EPHB1: variants seen among roughly 807,000 people sequenced by gnomAD.
EPHB1 encodes ephrin type-B receptor 1.
A neutral mutation model predicts 94.4 loss-of-function variants in EPHB1; 30 were observed. That is an observed-to-expected ratio of 0.32 (90% confidence interval 0.24 to 0.43). The LOEUF is 0.43. EPHB1 is among the 20% of genes least tolerant of loss of function. EPHB1 has a pLI of 1.00. For synonymous variants in EPHB1, 522 were observed against 489.1 expected, an observed-to-expected ratio of 1.07 and a Z score of -0.89; for missense variants, 1,055 against 1,308.3, an observed-to-expected ratio of 0.81 and a Z score of 2.99.
intron 2 of EPHB1, among the ~76,000 whole-genome samples, chr3:134,939,700 C>T (rs1440365317): frequency 6.6e-6 from 1 of 152,184 alleles, no homozygotes; most frequent in Non-Finnish European, 1.5e-5. Context: ...GGCTCCAGCC[C>T]AGCCCTGAGC....
chr3:134,844,427 C>T (rs1336726756), intron 1 of EPHB1, among the ~76,000 whole-genome samples: 2 of 152,226 alleles, frequency 1.3e-5, no homozygotes, highest in African/African-American at 4.8e-5. Flanking sequence ...ATGTTGGCTC[C>T]TCTCTGGACT....
chr3:135,203,537 C>A (rs1410970335), intron 12 of EPHB1, among the ~76,000 whole-genome samples: 1 of 151,982 alleles, frequency 6.6e-6, no homozygotes, highest in Admixed American at 6.6e-5. Flanking sequence ...TGAAAGATAC[C>A]ATGTAGATAA....
At chr3:135,049,908 G>A (rs1208615167) in intron 3 of EPHB1, among the ~76,000 whole-genome samples, 1 of 152,172 alleles carries the variant, frequency 6.6e-6, no homozygotes, top group African/African-American at 2.4e-5. Flanking sequence ...ACATGAGATA[G>A]GGCAAAAGCT....
At chr3:135,112,570 T>C (rs970790003) in intron 4 of EPHB1, among the ~76,000 whole-genome samples, 2 of 116,932 alleles carry the variant, frequency 1.7e-5, no homozygotes, top group Non-Finnish European at 3.3e-5. Context: ...CCCCAGTGTG[T>C]GATATTCCCC....
At chr3:135,214,951 G>T (rs750789890) in intron 12 of EPHB1, among the ~76,000 whole-genome samples, 7 of 152,082 alleles carry the variant, frequency 4.6e-5, no homozygotes, top group Admixed American at 6.5e-5. Flanking sequence ...TTATGAACTT[G>T]GGCCTAGTTC....
chr3:134,990,994 G>A (rs748126859), intron 3 of EPHB1, among the ~76,000 whole-genome samples: 2 of 152,002 alleles, frequency 1.3e-5, no homozygotes, highest in Non-Finnish European at 2.9e-5. Context: ...TCTATTTCTT[G>A]GGGTACATTT....
chr3:134,795,928 G>C (rs1321527939), intron 1 of EPHB1, among the ~76,000 whole-genome samples: 1 of 152,158 alleles, frequency 6.6e-6, no homozygotes, highest in Non-Finnish European at 1.5e-5. Flanking sequence ...CGGCTTCCTC[G>C]CCCCGGCACT....
intron 12 of EPHB1, among the ~76,000 whole-genome samples, chr3:135,214,752 G>T (rs1269259659): frequency 2.0e-5 from 3 of 152,128 alleles, no homozygotes; most frequent in African/African-American, 7.2e-5. Flanking sequence ...GAAATCTGTA[G>T]GGCCCTTCCT....
At chr3:135,140,321 C>T (rs1475294234) in intron 5 of EPHB1, among the ~76,000 whole-genome samples, 1 of 152,202 alleles carries the variant, frequency 6.6e-6, no homozygotes, top group Non-Finnish European at 1.5e-5. Context: ...AAGTCAACTC[C>T]ATGAACTGAC....
At chr3:135,158,231 A>G (rs1389395119) in intron 6 of EPHB1, among the ~76,000 whole-genome samples, 2 of 150,966 alleles carry the variant, frequency 1.3e-5, no homozygotes, top group Non-Finnish European at 2.9e-5. Context: ...GATTTGGTCC[A>G]AAGAAGCAAA....
At chr3:135,039,202 G>A (rs967892964) in intron 3 of EPHB1, among the ~76,000 whole-genome samples, 7 of 152,064 alleles carry the variant, frequency 4.6e-5, no homozygotes, top group Admixed American at 1.3e-4. Context: ...AGACATAAAG[G>A]TTCTCCACGT....
At chr3:135,242,016 C>G (rs189741100) in intron 13 of EPHB1, among the ~76,000 whole-genome samples, 1 of 152,282 alleles carries the variant, frequency 6.6e-6, no homozygotes, top group East Asian at 1.9e-4. Flanking sequence ...TAAATAGAGG[C>G]TTTTTGGAAT....
At position 135,175,321 on chromosome 3, in the gene EPHB1, ACT is replaced by A. The variant is rs146914703; in HGVS notation, c.1760-4537_1760-4536del. Among the ~76,000 whole-genome samples the A allele has an allele frequency of 1.4e-4, 21 of 152,158 alleles. No individual in the cohort carries two copies. The East Asian group carries it at 3.7e-3, about 27-fold the overall frequency. On this transcript the variant is annotated intron_variant, in intron 9 of 15. Transcript: ENST00000398015. Reference sequence around the variant, plus strand: ...AGAAGTTTCTTCTGCTTCAAGAACTACTCCATTCCATGCAACAAGGTTCTGGA... The same window carrying A: ...AGAAGTTTCTTCTGCTTCAAGAACTACCATTCCATGCAACAAGGTTCTGGA...
intron 1 of EPHB1, among the ~76,000 whole-genome samples, chr3:134,802,950 T>A (rs1392917731): frequency 1.3e-5 from 2 of 152,124 alleles, no homozygotes; most frequent in East Asian, 3.9e-4. Context: ...TTCAAGATGA[T>A]CTGCTTGCGA....
chr3:135,002,939 T>C (rs1203012387), intron 3 of EPHB1, among the ~76,000 whole-genome samples: 2 of 152,148 alleles, frequency 1.3e-5, no homozygotes, highest in Non-Finnish European at 2.9e-5. Flanking sequence ...TTTGAAGGGT[T>C]TTTTGTGTCT....
chr3:135,146,184 G>A (rs1941003451), intron 5 of EPHB1, among the ~76,000 whole-genome samples: 1 of 152,190 alleles, frequency 6.6e-6, no homozygotes, highest in Non-Finnish European at 1.5e-5. Flanking sequence ...GCAGTGTGGG[G>A]CAGTGTGAGG....
At chr3:134,893,540 G>A (rs570432164) in intron 1 of EPHB1, among the ~76,000 whole-genome samples, 4 of 152,128 alleles carry the variant, frequency 2.6e-5, no homozygotes, top group African/African-American at 9.6e-5. Context: ...GCACTTGCTC[G>A]GAAGTGAGGG....
intron 3 of EPHB1, among the ~76,000 whole-genome samples, chr3:134,973,199 GAC>G (rs1222987841): frequency 6.6e-6 from 1 of 152,172 alleles, no homozygotes; most frequent in African/African-American, 2.4e-5. Context: ...TCCAAGGGCA[GAC>G]ACACAACAAC....
At chr3:135,113,516 A>G (rs900872815) in intron 4 of EPHB1, among the ~76,000 whole-genome samples, 1 of 152,190 alleles carries the variant, frequency 6.6e-6, no homozygotes, top group Non-Finnish European at 1.5e-5. Flanking sequence ...TCCCTCCAGT[A>G]ACCCCGAGAG....
Sources: gnomAD v4.1 joint callset for allele counts (sites outside exome capture counted in the v4.1 genomes callset) on GRCh38, gnomAD v4.1.1 for gene constraint, MANE v1.5 for transcripts, NCBI Gene and HGNC (gene_info 2026-07-23, HGNC 2026-07-21) for gene names.